Variants in CHODL observed in about 807,000 individuals in gnomAD.
CHODL encodes chondrolectin.
CHODL carries 29 observed loss-of-function variants against 34.5 expected under a neutral mutation model. That is an observed-to-expected ratio of 0.84 (90% CI 0.63 to 1.15). The LOEUF is 1.15. Ranked by LOEUF, CHODL falls within the 50% of genes most tolerant of loss-of-function variation. The probability of loss-of-function intolerance (pLI) is 0.00; values close to 1 mark genes in which losing one functional copy is unlikely to be tolerated. For missense variants in CHODL, 332 were observed against 332.5 expected (o/e 1.00, Z 0.01); for synonymous variants, 125 against 116.1 (o/e 1.08, Z -0.49).
At chr21:18,139,935 T>A (rs1628808) in intron 2 of CHODL, among the ~76,000 whole-genome samples, 11,908 of 152,174 alleles carry the variant, frequency 0.078, 1,482 homozygotes, top group African/African-American at 0.26. Context: ...TGAGGAAATA[T>A]CACATGGATT....
chr21:18,021,467 C>T (rs1243671738), intron 1 of CHODL, among the ~76,000 whole-genome samples: 1 of 152,160 alleles, frequency 6.6e-6, no homozygotes, highest in African/African-American at 2.4e-5. Flanking sequence ...GAAAAGGTAA[C>T]ATGGGGCTTG....
At chr21:17,940,021 C>T (rs2063350452) in intron 1 of CHODL, among the ~76,000 whole-genome samples, 1 of 152,020 alleles carries the variant, frequency 6.6e-6, no homozygotes, top group Non-Finnish European at 1.5e-5. Context: ...TTAGAAGGGC[C>T]CACACTTCTT....
At chr21:18,251,783 C>A (rs1030171613) in intron 1 of CHODL, among the ~76,000 whole-genome samples, 5 of 125,392 alleles carry the variant, frequency 4.0e-5, no homozygotes, top group Non-Finnish European at 5.0e-5. Context: ...TATTTATATA[C>A]TTTATATAAA....
chr21:18,230,751 C>T (rs1424185735), intron 2 of CHODL, among the ~76,000 whole-genome samples: 1 of 151,884 alleles, frequency 6.6e-6, no homozygotes, highest in Non-Finnish European at 1.5e-5. Flanking sequence ...GTTAAAATAC[C>T]AATCAAAAGG....
intron 1 of CHODL, among the ~76,000 whole-genome samples, chr21:17,980,400 G>A (rs1260399150): frequency 6.6e-6 from 1 of 152,112 alleles, no homozygotes; most frequent in African/African-American, 2.4e-5. Context: ...GGATCACTGG[G>A]TAAAATATTG....
At chr21:18,086,454 A>C (rs979933489) in intron 2 of CHODL, among the ~76,000 whole-genome samples, 12 of 152,042 alleles carry the variant, frequency 7.9e-5, no homozygotes, top group African/African-American at 2.9e-4. Context: ...TCTTCCATTG[A>C]TATCTGTGCA....
At chr21:18,072,456 T>C (rs1418905444) in intron 2 of CHODL, among the ~76,000 whole-genome samples, 1 of 152,166 alleles carries the variant, frequency 6.6e-6, no homozygotes, top group Non-Finnish European at 1.5e-5. Context: ...CATTATCAAG[T>C]GCAAGGGCTT....
chr21:18,216,877 G>GC (rs1350381380), intron 2 of CHODL, among the ~76,000 whole-genome samples: 1 of 152,030 alleles, frequency 6.6e-6, no homozygotes, highest in Non-Finnish European at 1.5e-5. Flanking sequence ...GGGGGAAACC[G>GC]CCCCCATGAT....
intron 2 of CHODL, among the ~76,000 whole-genome samples, chr21:18,053,958 TCA>T (rs764136422): frequency 6.6e-5 from 10 of 151,778 alleles, no homozygotes; most frequent in Non-Finnish European, 1.2e-4. Flanking sequence ...ACATATAAAA[TCA>T]CATATATCAC....
chr21:17,967,966 G>A (rs760184380), intron 1 of CHODL, among the ~76,000 whole-genome samples: 4 of 152,186 alleles, frequency 2.6e-5, no homozygotes, highest in African/African-American at 7.2e-5. Flanking sequence ...GAACCCATGA[G>A]TGGAACAATG....
At chr21:17,998,944 G>A (rs189410961) in intron 1 of CHODL, among the ~76,000 whole-genome samples, 284 of 152,264 alleles carry the variant, frequency 1.9e-3, no homozygotes, top group Middle Eastern at 3.4e-3. Flanking sequence ...TTCTGCAGCC[G>A]GCTTGAATTT....
chr21:18,156,073 A>C (rs918885011), intron 2 of CHODL, among the ~76,000 whole-genome samples: 7 of 152,332 alleles, frequency 4.6e-5, no homozygotes, highest in African/African-American at 1.7e-4. Context: ...GTATGACCTG[A>C]CGTATTTCTT....
At chr21:18,083,129 C>A (rs1369529681) in intron 2 of CHODL, among the ~76,000 whole-genome samples, 1 of 152,202 alleles carries the variant, frequency 6.6e-6, no homozygotes, top group Non-Finnish European at 1.5e-5. Context: ...GGCCTTGCTG[C>A]TCTTTGCAGT....
At chr21:18,164,833 C>G (rs2073134500) in intron 2 of CHODL, among the ~76,000 whole-genome samples, 1 of 152,210 alleles carries the variant, frequency 6.6e-6, no homozygotes, top group Non-Finnish European at 1.5e-5. Context: ...CCCAGTTCTT[C>G]TCACTTGGAA....
chr21:18,226,926 T>C (rs558514529), intron 2 of CHODL, among the ~76,000 whole-genome samples: 60 of 152,270 alleles, frequency 3.9e-4, no homozygotes, highest in African/African-American at 1.4e-3. Flanking sequence ...AAATTTTAAG[T>C]GAAATAGCTG....
intron 2 of CHODL, among the ~76,000 whole-genome samples, chr21:18,128,660 CAG>C (rs2072612531): frequency 2.0e-5 from 3 of 152,060 alleles, no homozygotes; most frequent in African/African-American, 4.8e-5. Flanking sequence ...ATTTACATAT[CAG>C]AATACATTCT....
At chr21:18,068,852 T>C (rs1279321662) in intron 2 of CHODL, among the ~76,000 whole-genome samples, 1 of 152,164 alleles carries the variant, frequency 6.6e-6, no homozygotes, top group Non-Finnish European at 1.5e-5. Context: ...TCTGAGGTTT[T>C]ACTTTATTCG....
At chr21:18,243,141 A>T (rs889545672), upstream of CHODL, among the ~76,000 whole-genome samples, 11 of 152,212 alleles carry the variant, frequency 7.2e-5, no homozygotes, top group African/African-American at 2.7e-4. Context: ...ATGCCTCCAA[A>T]TGAATTTCTT....
In CHODL at chr21:18,148,884, CAAA is replaced by C. The variant is rs11285949; in HGVS notation, c.-44-107612_-44-107610del. Among the ~76,000 whole-genome samples the C allele has an allele frequency of 8.2e-4, 115 of 139,944 alleles. 1 individual carries two copies. Among genetic ancestry groups the C allele is most frequent in the Admixed American group, 2.5e-3 (35 of 14,036 alleles). The allele number at this position is 139,944 out of a possible 152,430, so 91.8% of individuals were successfully genotyped here. A position where few individuals can be genotyped will look rare whatever the true frequency, so the allele number is the denominator to read the frequency against. On this transcript the variant is annotated intron_variant, in intron 2 of 6. Transcript: ENST00000400127. ...AATCTTAATTCAAAATATTGGCTGT[CAAA>C]AAAAAAAAAAAAGGTCTGATGGAGC...
Sources: allele counts gnomAD v4.1 joint callset (sites outside exome capture counted in the v4.1 genomes callset), GRCh38; gene constraint gnomAD v4.1.1; transcripts MANE v1.5; gene names NCBI Gene and HGNC (gene_info 2026-07-23, HGNC 2026-07-21).